Variants in CRY2 observed in about 807,000 individuals in gnomAD.
CRY2 encodes cryptochrome circadian regulator 2.
CRY2 carries 31 observed loss-of-function variants against 69.5 expected under a neutral mutation model. The observed-to-expected ratio is 0.45, with a 90% CI of 0.34 to 0.60. The LOEUF (loss-of-function observed/expected upper bound fraction) is 0.60, where lower values mean the gene tolerates loss of function less well. Among genes scored for constraint, CRY2 ranks in the 20% least tolerant of loss-of-function variants. The probability of loss-of-function intolerance (pLI) is 0.02; values close to 1 mark genes in which losing one functional copy is unlikely to be tolerated. For synonymous variants in CRY2, 303 were observed against 312.2 expected (o/e 0.97, Z 0.31); for missense variants, 606 against 797.8 (o/e 0.76, Z 2.90).
At chr11:45,871,627 C>A (rs551429468) in intron 10 of CRY2, among the ~76,000 whole-genome samples, 2 of 152,208 alleles carry the variant, frequency 1.3e-5, no homozygotes, top group African/African-American at 2.4e-5. Flanking sequence ...TCGCTGCATT[C>A]GGAGCCTCTT....
At chr11:45,873,326 T>C (rs1215881944) in intron 11 of CRY2, among the ~76,000 whole-genome samples, 1 of 152,212 alleles carries the variant, frequency 6.6e-6, no homozygotes, top group Non-Finnish European at 1.5e-5. Flanking sequence ...TGTCTGGATT[T>C]GTGTGCTCAC....
intron 2 of CRY2, among the ~76,000 whole-genome samples, chr11:45,857,302 A>C (rs1425174527): frequency 6.6e-6 from 1 of 152,150 alleles, no homozygotes; most frequent in Non-Finnish European, 1.5e-5. Flanking sequence ...CCCGATTTAC[A>C]GGAGAGGAAA....
intron 1 of CRY2, among the ~76,000 whole-genome samples, chr11:45,852,578 G>T (rs1185992050): frequency 6.6e-6 from 1 of 152,184 alleles, no homozygotes; most frequent in African/African-American, 2.4e-5. Context: ...CCTGTCTATT[G>T]CCTCCGTGTG....
chr11:45,847,541 C>A lies in CRY2; in HGVS notation c.51C>A (p.Pro17=). The change falls in exon 1 of 12, where the codon CCC becomes CCA. Residue 17 remains proline (P), a synonymous_variant. Coordinates refer to ENST00000616080, the MANE Select transcript of CRY2 (RefSeq NM_021117.5). ...TAAAVAPAPA[P]GTDSASSVHW... is the part of the protein sequence containing the mutation. ...CAGCTGTGGCCCCGGCGCCAGCGCC[C>A]GGCACGGACAGCGCCTCTTCGGTGC... 2 of 1,587,974 alleles carry A rather than the reference C, an allele frequency of 1.3e-6. No homozygotes were observed. Among genetic ancestry groups the A allele is most frequent in the Non-Finnish European group, 1.7e-6 (2 of 1,171,100 alleles).
At chr11:45,847,194 G>A, upstream of CRY2, 1 of 1,549,494 alleles carries the variant, frequency 6.5e-7, no homozygotes, top group African/African-American at 1.4e-5. Flanking sequence ...CCTACTCCCG[G>A]CACTCCGCGG....
At chr11:45,856,658 T>C (rs764804435) in intron 2 of CRY2, among the ~76,000 whole-genome samples, 12 of 152,178 alleles carry the variant, frequency 7.9e-5, no homozygotes, top group Non-Finnish European at 1.6e-4. Context: ...TAGCTGGGCA[T>C]GTTGGCTGGC....
intron 3 of CRY2, 43 bp downstream of exon 3, chr11:45,858,916 T>A: frequency 2.5e-6 from 4 of 1,597,508 alleles, no homozygotes; most frequent in Non-Finnish European, 3.4e-6. Context: ...ATTGTGAGAG[T>A]TAGTAATTTG....
intron 10 of CRY2, 72 bp from the exon 11 acceptor site, chr11:45,872,020 G>T: frequency 1.3e-6 from 2 of 1,576,412 alleles, no homozygotes; most frequent in Non-Finnish European, 1.7e-6. Flanking sequence ...CTAAAGAGCT[G>T]CTGCTGCATA....
chr11:45,855,890 A>G (rs2086235064), intron 1 of CRY2, 92 bp from the exon 2 acceptor site: 1 of 1,118,672 alleles, frequency 8.9e-7, no homozygotes, highest in Non-Finnish European at 1.4e-6. Flanking sequence ...CCTGTTGGGC[A>G]TAAACAGCGA....
At chr11:45,869,379 C>T (rs1012491489) in intron 6 of CRY2, 127 bp from the exon 7 acceptor site, 3 of 984,688 alleles carry the variant, frequency 3.0e-6, no homozygotes, top group African/African-American at 1.6e-5. Flanking sequence ...GGGATAGTCC[C>T]TCCACATCTG....
intron 5 of CRY2, among the ~76,000 whole-genome samples, chr11:45,864,599 A>G (rs2086314498): frequency 6.6e-6 from 1 of 151,468 alleles, no homozygotes; most frequent in Admixed American, 6.6e-5. Flanking sequence ...GGTCTCAGAA[A>G]TAAAAGAAAA....
At chr11:45,880,685 A>G (rs988418909) in intron 11 of CRY2, among the ~76,000 whole-genome samples, 3 of 152,148 alleles carry the variant, frequency 2.0e-5, no homozygotes, top group Non-Finnish European at 4.4e-5. Context: ...GAGGGCCTGC[A>G]GTGGGGAGCT....
At chr11:45,862,809 G>A (rs2086298731) in intron 5 of CRY2, among the ~76,000 whole-genome samples, 1 of 152,146 alleles carries the variant, frequency 6.6e-6, no homozygotes, top group Admixed American at 6.5e-5. Context: ...AGTGCAGTGA[G>A]AACTGGGGAG....
rs554482471 is a variant in CRY2 at position 45,881,218 on chromosome 11, C to G, written c.*307C>G. ...TTCAGCTGAGACCTGTTCCTGCAAGCCAGCTGCCTTGTCTGAACAGAACGT... is the reference window on the plus strand; with the variant it reads ...TTCAGCTGAGACCTGTTCCTGCAAGGCAGCTGCCTTGTCTGAACAGAACGT... On this transcript the variant is annotated 3_prime_UTR_variant, in exon 12 of 12. Transcript: ENST00000616080. 1 of 152,450 alleles carries G rather than the reference C, an allele frequency of 6.6e-6. No individual in the cohort carries two copies. The highest frequency in any genetic ancestry group is 2.4e-5 in the African/African-American group (1 of 41,586). 9.4% of individuals were successfully genotyped at this position (152,450 alleles called of 1,614,324 possible).
At chr11:45,878,216 C>G (rs555721439) in intron 11 of CRY2, among the ~76,000 whole-genome samples, 1 of 152,200 alleles carries the variant, frequency 6.6e-6, no homozygotes, top group African/African-American at 2.4e-5. Flanking sequence ...ATGTGCACAT[C>G]ACTCCAGAGG....
intron 11 of CRY2, among the ~76,000 whole-genome samples, chr11:45,880,064 G>A (rs113677005): frequency 6.6e-6 from 1 of 152,162 alleles, no homozygotes; most frequent in East Asian, 1.9e-4. Context: ...GGTACTGGGG[G>A]TTAGGACTTC....
At chr11:45,853,635 C>T (rs960448347) in intron 1 of CRY2, among the ~76,000 whole-genome samples, 2 of 146,844 alleles carry the variant, frequency 1.4e-5, no homozygotes, top group Non-Finnish European at 3.1e-5. Context: ...CTGGGAGCTG[C>T]AGATGGAGGA....
intron 11 of CRY2, among the ~76,000 whole-genome samples, chr11:45,879,505 GTCT>G (rs746018957): frequency 3.9e-5 from 6 of 152,334 alleles, no homozygotes; most frequent in Admixed American, 2.0e-4. Context: ...TCTTCTAAAA[GTCT>G]TCTTCTCTAA....
intron 7 of CRY2, 70 bp downstream of exon 7, chr11:45,869,887 TG>T: frequency 6.5e-7 from 1 of 1,531,142 alleles, no homozygotes. Flanking sequence ...AGCCCCCTTC[TG>T]GGCTGAGGGA....
Sources: gnomAD v4.1 joint callset for allele counts (sites outside exome capture counted in the v4.1 genomes callset) on GRCh38, gnomAD v4.1.1 for gene constraint, MANE v1.5 for transcripts, NCBI Gene and HGNC (gene_info 2026-07-23, HGNC 2026-07-21) for gene names.